The following DNAH17 variants were observed in gnomAD, a reference collection of about 807,000 sequenced individuals.
The protein encoded by DNAH17 is axonemal beta dynein heavy chain 17.
In DNAH17, 376 loss-of-function variants were observed where a neutral mutation model predicts 485.6. That is an observed-to-expected ratio of 0.77 (90% CI 0.71 to 0.84). DNAH17 has a LOEUF of 0.84. Ranked by LOEUF, DNAH17 falls within the 40% of genes least tolerant of loss-of-function variation. The pLI is 0.00. For missense variants in DNAH17, 6,370 were observed against 5,839.3 expected (o/e 1.09, Z -2.96); for synonymous variants, 3,031 against 2,405.9 (o/e 1.26, Z -7.60).
In DNAH17 at chr17:78,496,701, T is replaced by TCA. The variant is rs2090086232; in HGVS notation, c.5746-671_5746-670dup. 4 of 135,940 alleles carry TCA rather than the reference T, an allele frequency of 2.9e-5. No homozygotes were observed. The South Asian group carries it at 9.8e-4, about 33-fold the overall frequency. 8.4% of individuals were successfully genotyped at this position (135,940 alleles called of 1,614,324 possible). A position where few individuals can be genotyped will look rare whatever the true frequency, so the allele number is the denominator to read the frequency against. On this transcript the variant is annotated intron_variant, in intron 37 of 80. Coordinates refer to ENST00000389840, the MANE Select transcript of DNAH17 (RefSeq NM_173628.4). ...TTTTTTTTTTTTTTAAGACTGAGTG[T>TCA]CACTCTGTTGCCCAGGCTGGAGTGC...
At chr17:78,445,754 C>G (rs2087259795) in intron 69 of DNAH17, 74 bp from the exon 70 acceptor site, 44 of 1,512,026 alleles carry the variant, frequency 2.9e-5, no homozygotes, top group Non-Finnish European at 3.9e-5. Context: ...GCGCGCTGGA[C>G]TCGAAGAGGA....
intron 74 of DNAH17, among the ~76,000 whole-genome samples, chr17:78,435,744 G>A (rs756330484): frequency 5.9e-5 from 9 of 152,174 alleles, no homozygotes; most frequent in African/African-American, 9.6e-5. Context: ...GGCAGAAACC[G>A]TTCCAGGACT....
At position 78,444,802 on chromosome 17, in the gene DNAH17, G is replaced by T. The variant is rs761155509; in HGVS notation, c.11335-5C>A. 2.6e-6 allele frequency: 4 copies of T among 1,558,232 alleles called. No individual in the cohort carries two copies. The highest frequency in any genetic ancestry group is 3.5e-6 in the Non-Finnish European group (4 of 1,154,542). ...CTCATCCATCTCCGAGAGGGCCTAG[G>T]GGCAGAGGCAGCGGGCCCTGTGACT... is the stretch of plus-strand genomic sequence containing the variant. On this transcript the variant is annotated splice_polypyrimidine_tract_variant and splice_region_variant and intron_variant, in intron 70 of 80. Coordinates refer to ENST00000389840, the MANE Select transcript of DNAH17 (RefSeq NM_173628.4).
At chr17:78,488,150 C>A (rs188862603) in intron 44 of DNAH17, among the ~76,000 whole-genome samples, 1 of 152,152 alleles carries the variant, frequency 6.6e-6, no homozygotes, top group South Asian at 2.1e-4. Context: ...TCACTGAGTG[C>A]GGGTCGGTGT....
At chr17:78,529,956 C>T (rs2091185740) in intron 21 of DNAH17, among the ~76,000 whole-genome samples, 1 of 152,312 alleles carries the variant, frequency 6.6e-6, no homozygotes, top group East Asian at 1.9e-4. Context: ...GAGGCCTTCA[C>T]TAGCCTCCCG....
chr17:78,571,519 G>C, intron 4 of DNAH17, 71 bp downstream of exon 4: 1 of 1,570,096 alleles, frequency 6.4e-7, no homozygotes, highest in South Asian at 1.1e-5. Context: ...TTGGCACTGG[G>C]AGGCGGAGAG....
At chr17:78,509,491 T>C (rs935043733) in intron 27 of DNAH17, among the ~76,000 whole-genome samples, 2 of 152,188 alleles carry the variant, frequency 1.3e-5, no homozygotes, top group Non-Finnish European at 2.9e-5. Context: ...GCGAACTGTA[T>C]GGTATGTGAA....
At chr17:78,464,118 G>A (rs2088291117) in intron 56 of DNAH17, among the ~76,000 whole-genome samples, 1 of 152,188 alleles carries the variant, frequency 6.6e-6, no homozygotes, top group Non-Finnish European at 1.5e-5. Context: ...GTGTTCAAAA[G>A]AAACAAGAGA....
chr17:78,499,153 G>T, intron 36 of DNAH17, 41 bp from the exon 37 acceptor site: 1 of 1,431,926 alleles, frequency 7.0e-7, no homozygotes, highest in Non-Finnish European at 9.4e-7. Context: ...CTGGGAGGGT[G>T]ACAGGGAGGG....
chr17:78,457,663 T>C (rs2087874181), intron 62 of DNAH17, among the ~76,000 whole-genome samples: 1 of 147,678 alleles, frequency 6.8e-6, no homozygotes, highest in East Asian at 2.0e-4. Flanking sequence ...CTGGCTTTTT[T>C]TTTTTTTTTT....
intron 25 of DNAH17, among the ~76,000 whole-genome samples, chr17:78,523,508 G>C (rs761731179): frequency 6.6e-6 from 1 of 151,496 alleles, no homozygotes; most frequent in Non-Finnish European, 1.5e-5. Flanking sequence ...ATGAATAACT[G>C]GATTAAAAAA....
At chr17:78,555,635 G>T (rs955371453) in intron 14 of DNAH17, among the ~76,000 whole-genome samples, 1 of 150,910 alleles carries the variant, frequency 6.6e-6, no homozygotes, top group African/African-American at 2.4e-5. Context: ...GATGTGCTTC[G>T]AACATGAAAT....
At chr17:78,469,209 T>A (rs2088634336) in intron 54 of DNAH17, among the ~76,000 whole-genome samples, 1 of 152,156 alleles carries the variant, frequency 6.6e-6, no homozygotes, top group Admixed American at 6.5e-5. Flanking sequence ...TGATGCAATC[T>A]CGGCTCACTG....
In DNAH17 at chr17:78,510,583, T is replaced by C. The variant is rs2376586; in HGVS notation, c.4114-77A>G. The C allele has an allele frequency of 0.2, 309,853 of 1,574,886 alleles. 32,295 individuals are homozygous for C. The highest frequency in any genetic ancestry group is 0.38 in the East Asian group (16,589 of 43,994). Reference sequence around the variant, plus strand: ...AGTGGGCAGACGTCATGATCCTTCATGGAGAGCCATTGCCGGGGCACGATC... The same window carrying C: ...AGTGGGCAGACGTCATGATCCTTCACGGAGAGCCATTGCCGGGGCACGATC... On this transcript the variant is annotated intron_variant, in intron 26 of 80. Transcript: ENST00000389840.
intron 17 of DNAH17, among the ~76,000 whole-genome samples, chr17:78,542,115 CCG>C (rs35781560): frequency 0.77 from 111,978 of 146,330 alleles, 42,654 homozygotes; most frequent in African/African-American, 0.79. Context: ...CCACTGGAAA[CCG>C]CCCCCCCCAA....
At chr17:78,547,443 T>A (rs1275470789) in intron 16 of DNAH17, among the ~76,000 whole-genome samples, 3 of 152,150 alleles carry the variant, frequency 2.0e-5, no homozygotes, top group African/African-American at 7.2e-5. Flanking sequence ...GGTAGAAACA[T>A]GCAGAATATT....
In DNAH17 at chr17:78,525,061, G is replaced by A; in HGVS notation, c.3812C>T (p.Ala1271Val). The A allele has an allele frequency of 1.2e-6, 2 of 1,613,802 alleles. No individual in the cohort carries two copies. Among genetic ancestry groups the A allele is most frequent in the East Asian group, 2.2e-5 (1 of 44,890 alleles). Residue 1271 changes from alanine (A) to valine (V), a missense_variant, in exon 25 of 81, where the codon GCC (alanine) becomes GTC (valine). Ala to Val is a moderately conservative substitution (Grantham distance 64). Coordinates refer to ENST00000389840, the MANE Select transcript of DNAH17 (RefSeq NM_173628.4). The stretch of plus-strand genomic sequence containing the variant: ...CAGTAGGCGGACCTCCCGGTGGCAG[G>A]CCTTGAGCTGCTTGTAGTCTGGGAC... ...VPVPDYKQLK[A>V]CHREVRLLKE...
chr17:78,507,812 G>T lies in DNAH17; in HGVS notation c.4237-7C>A. Reference sequence around the variant, plus strand: ...TGTCCAGGGCTTTCAGCACCTTTTGGGGGAACAGAAAAATAAGGTCACTGA... The same window carrying T: ...TGTCCAGGGCTTTCAGCACCTTTTGTGGGAACAGAAAAATAAGGTCACTGA... On this transcript the variant is annotated splice_polypyrimidine_tract_variant and splice_region_variant and intron_variant, in intron 27 of 80. Coordinates refer to ENST00000389840, the MANE Select transcript of DNAH17 (RefSeq NM_173628.4). 6.5e-7 allele frequency: 1 copy of T among 1,543,150 alleles called. No individual in the cohort carries two copies. The highest frequency in any genetic ancestry group is 1.2e-5 in the South Asian group (1 of 85,266).
At chr17:78,493,069 T>C (rs1479833305) in intron 41 of DNAH17, 2 of 229,808 alleles carry the variant, frequency 8.7e-6, no homozygotes, top group Non-Finnish European at 1.7e-5. Flanking sequence ...CAGGCTGGTC[T>C]CAAACTCCTG....
Sources: allele counts gnomAD v4.1 joint callset (sites outside exome capture counted in the v4.1 genomes callset), GRCh38; gene constraint gnomAD v4.1.1; transcripts MANE v1.5; gene names NCBI Gene and HGNC (gene_info 2026-07-23, HGNC 2026-07-21).